GHDC: variants seen among roughly 807,000 people sequenced by gnomAD.
GHDC encodes GH3 domain-containing protein.
In GHDC, 39 loss-of-function variants were observed where a neutral mutation model predicts 51.5. That is an observed-to-expected ratio of 0.76 (90% CI 0.59 to 0.99). GHDC has a LOEUF of 0.99. Among genes scored for constraint, GHDC ranks in the 50% least tolerant of loss-of-function variants. The pLI, the probability that GHDC is intolerant of heterozygous loss-of-function variation, is 0.00. For missense variants in GHDC, 610 were observed against 672.8 expected (o/e 0.91, Z 1.03); for synonymous variants, 282 against 305.2 (o/e 0.92, Z 0.79).
At position 42,190,720 on chromosome 17, in the gene GHDC, C is replaced by T. The variant is rs1465765316; in HGVS notation, c.1192G>A (p.Gly398Ser). The change falls in exon 8 of 10, where the codon GGT becomes AGT. Residue 398 changes from glycine (G) to serine (S), a missense_variant. Around this residue, in one of 2 missense-constraint regions of GHDC, gnomAD observed 412 missense variants for 410.4 expected, o/e 1.00. Transcript: ENST00000587427. ...QTLSVRGEDI[G>S]EDLFSEALGR... is the part of the protein sequence containing the mutation. ...AGGGCCTCAGAGAACAGGTCTTCAC[C>T]AATATCTTCCCCTCGCACACTCAGG... is the stretch of plus-strand genomic sequence containing the variant. The T allele has an allele frequency of 6.2e-7, 1 of 1,614,130 alleles. No individual in the cohort carries two copies. Among genetic ancestry groups the T allele is most frequent in the South Asian group, 1.1e-5 (1 of 91,084 alleles).
chr17:42,192,923 C>G lies in GHDC; in HGVS notation c.370G>C (p.Gly124Arg). 6.2e-7 allele frequency: 1 copy of G among 1,614,092 alleles called. No individual in the cohort carries two copies. Among genetic ancestry groups the G allele is most frequent in the Non-Finnish European group, 8.5e-7 (1 of 1,180,010 alleles). Reference protein sequence around the residue: ...PLPPTSNQDLGEASLQATLLG... With the variant: ...PLPPTSNQDLREASLQATLLG... The stretch of plus-strand genomic sequence containing the variant: ...TAGATTACCTGCAGAGAGGCCTCCC[C>G]AAGGTCCTGGTTTGAGGTCGGGGGC... The change falls in exon 4 of 10, where the codon GGG becomes CGG. Residue 124 changes from glycine to arginine, a missense_variant. By Grantham distance (125) the Gly-to-Arg change is moderately radical. Around this residue, in one of 2 missense-constraint regions of GHDC, gnomAD observed 198 missense variants for 262.3 expected, o/e 0.75. Coordinates refer to ENST00000587427, the MANE Select transcript of GHDC (RefSeq NM_032484.5).
chr17:42,193,490 C>T lies in GHDC; in HGVS notation c.92G>A (p.Trp31Ter). The change falls in exon 3 of 10, where the codon TGG (tryptophan) becomes TAG (stop). Residue 31 changes from tryptophan (W) to a stop codon, truncating the protein, a stop_gained. Coordinates refer to ENST00000587427, the MANE Select transcript of GHDC (RefSeq NM_032484.5). LOFTEE classifies it high-confidence loss of function. ...CACTCGGTGCTGGAGGCCAGCAAGC[C>T]AGGACAGCCTGGCATCCTGGGACCG... ...QQRSQDARLS[W>*]LAGLQHRVAW... 3 of 1,555,172 alleles carry T rather than the reference C, an allele frequency of 1.9e-6. No individual in the cohort carries two copies. The highest frequency in any genetic ancestry group is 2.6e-6 in the Non-Finnish European group (3 of 1,149,696).
chr17:42,191,030 G>A lies in GHDC; in HGVS notation c.1070C>T (p.Ala357Val). ...KEYELVLTDRASLTRCRLGDV... is the reference protein window; with the variant it reads ...KEYELVLTDRVSLTRCRLGDV... ...TGCAGCTGATCACCTGGTGAGGCTGGCGCGGTCCGTCAGCACCAGCTCATA... is the reference window on the plus strand; with the variant it reads ...TGCAGCTGATCACCTGGTGAGGCTGACGCGGTCCGTCAGCACCAGCTCATA... Residue 357 changes from alanine (A) to valine (V), a missense_variant, in exon 6 of 10, where the codon GCC (alanine) becomes GTC (valine). Coordinates refer to ENST00000587427, the MANE Select transcript of GHDC (RefSeq NM_032484.5). 2 of 1,579,520 alleles carry A rather than the reference G, an allele frequency of 1.3e-6. No homozygotes were observed. Among genetic ancestry groups the A allele is most frequent in the Non-Finnish European group, 8.6e-7 (1 of 1,163,260 alleles).
Position 42,193,310 on chromosome 17 carries a change from AAC to A in GHDC, c.265+5_265+6del. The stretch of plus-strand genomic sequence containing the variant: ...TGGGTCACCTCCCCAGACCCTGGGA[AAC>A]ACACCTGTGCTCCTTCTGAGGGAAC... On this transcript the variant is annotated splice_donor_5th_base_variant and intron_variant, in intron 3 of 9. Transcript: ENST00000587427. The A allele has an allele frequency of 6.3e-7, 1 of 1,589,720 alleles. No individual in the cohort carries two copies. The highest frequency in any genetic ancestry group is 8.6e-7 in the Non-Finnish European group (1 of 1,167,452).
Position 42,193,763 on chromosome 17 carries a change from T to C in GHDC, c.-14+4A>G, listed in dbSNP as rs564802313. The C allele has an allele frequency of 7.9e-4, 647 of 816,188 alleles. No homozygotes were observed. Among genetic ancestry groups the C allele is most frequent in the Non-Finnish European group, 8.9e-4 (477 of 535,562 alleles). 50.6% of individuals were successfully genotyped at this position (816,188 alleles called of 1,614,324 possible). ...GACTATCAAAGCTTTGGAGTCCCAC[T>C]GACCTGAGTGCAGATCCTGCCTCTG... On this transcript the variant is annotated splice_donor_region_variant and intron_variant, in intron 2 of 9. Coordinates refer to ENST00000587427, the MANE Select transcript of GHDC (RefSeq NM_032484.5).
Position 42,191,127 on chromosome 17 carries a change from G to C in GHDC, c.973C>G (p.Pro325Ala), listed in dbSNP as rs2079965657. The change falls in exon 6 of 10, where the codon CCA becomes GCA. Residue 325 changes from proline (P) to alanine (A), a missense_variant. Transcript: ENST00000587427. Reference sequence around the variant, plus strand: ...TCCTCCTGGGTGCCTTCCTTGACTGGGAGCAGCTCGATAAAGGGGGCCCCA... The same window carrying C: ...TCCTCCTGGGTGCCTTCCTTGACTGCGAGCAGCTCGATAAAGGGGGCCCCA... ...PPGAPFIELL[P>A]VKEGTQEEAA... is the part of the protein sequence containing the mutation. 1 of 1,558,356 alleles carries C rather than the reference G, an allele frequency of 6.4e-7. No homozygotes were observed. Among genetic ancestry groups the C allele is most frequent in the East Asian group, 2.3e-5 (1 of 43,606 alleles).
Position 42,193,038 on chromosome 17 carries a change from A to G in GHDC, c.266-11T>C, listed in dbSNP as rs1181207270. Reference sequence around the variant, plus strand: ...GGAAGGTGCTTATGTCTATAGCCCCAATGACAACAGAAACGCCTCAGGAAG... The same window carrying G: ...GGAAGGTGCTTATGTCTATAGCCCCGATGACAACAGAAACGCCTCAGGAAG... On this transcript the variant is annotated splice_polypyrimidine_tract_variant and intron_variant, in intron 3 of 9. Coordinates refer to ENST00000587427, the MANE Select transcript of GHDC (RefSeq NM_032484.5). The G allele has an allele frequency of 1.2e-6, 2 of 1,613,970 alleles. No homozygotes were observed. Among genetic ancestry groups the G allele is most frequent in the Admixed American group, 3.3e-5 (2 of 59,948 alleles).
chr17:42,189,744 T>G lies in GHDC; in HGVS notation c.1552A>C (p.Arg518=), dbSNP rs1246542260. Residue 518 remains arginine, a synonymous_variant, in exon 10 of 10, where the codon AGG becomes CGG. Transcript: ENST00000587427. ...PPAMPRVLRH[R]HLAQCLQERV... ...TCCTGCAGACACTGGGCCAGGTGCC[T>G]GTGCCGAAGGACCCGGGGCATCGCA... 1 of 1,514,106 alleles carries G rather than the reference T, an allele frequency of 6.6e-7. No homozygotes were observed. Among genetic ancestry groups the G allele is most frequent in the Non-Finnish European group, 8.8e-7 (1 of 1,131,448 alleles). The allele number at this position is 1,514,106 out of a possible 1,614,324, so 93.8% of individuals were successfully genotyped here. A position where few individuals can be genotyped will look rare whatever the true frequency, so the allele number is the denominator to read the frequency against.
intron 3 of GHDC, 23 bp downstream of exon 3, chr17:42,193,293 CT>C (rs1567649321): frequency 3.2e-6 from 5 of 1,558,936 alleles, no homozygotes; most frequent in African/African-American, 1.4e-5. Flanking sequence ...TTTGGGTCAC[CT>C]CCCCAGACCC....
In GHDC at chr17:42,193,493, G is replaced by A. The variant is rs771564508; in HGVS notation, c.89C>T (p.Ser30Phe). 10 of 1,554,464 alleles carry A rather than the reference G, an allele frequency of 6.4e-6. No individual in the cohort carries two copies. Among genetic ancestry groups the A allele is most frequent in the Non-Finnish European group, 8.7e-6 (10 of 1,149,478 alleles). The change falls in exon 3 of 10, where the codon TCC becomes TTC. Residue 30 changes from serine (S) to phenylalanine (F), a missense_variant. Ser to Phe is a radical substitution (Grantham distance 155, BLOSUM62 -2). Transcript: ENST00000587427. Reference sequence around the variant, plus strand: ...TCGGTGCTGGAGGCCAGCAAGCCAGGACAGCCTGGCATCCTGGGACCGCTG... The same window carrying A: ...TCGGTGCTGGAGGCCAGCAAGCCAGAACAGCCTGGCATCCTGGGACCGCTG... ...RQQRSQDARL[S>F]WLAGLQHRVA... is the part of the protein sequence containing the mutation.
intron 8 of GHDC, 88 bp downstream of exon 8, chr17:42,190,536 A>C: frequency 1.3e-6 from 2 of 1,486,802 alleles, no homozygotes; most frequent in South Asian, 1.3e-5. Flanking sequence ...AAGGAGGCTT[A>C]TCTCTTTCCT....
chr17:42,194,355 C>T (rs1202346920), intron 1 of GHDC, 38 bp downstream of exon 1: 2 of 152,582 alleles, frequency 1.3e-5, no homozygotes, highest in South Asian at 2.1e-4. Context: ...CCTTGTCCCT[C>T]CTGAGCCCCA....
rs1435987371 is a variant in GHDC at position 42,192,752 on chromosome 17, G to A, written c.388-10C>T. On this transcript the variant is annotated splice_polypyrimidine_tract_variant and intron_variant, in intron 4 of 9. Transcript: ENST00000587427. ...GACCCAGCAAGGTGGCCTGGAGGAG[G>A]AAAGAGAGAATGTTGGTCTGGTGTC... 2.6e-6 allele frequency: 4 copies of A among 1,532,194 alleles called. No individual in the cohort carries two copies. Among genetic ancestry groups the A allele is most frequent in the Non-Finnish European group, 3.5e-6 (4 of 1,144,384 alleles). 94.9% of individuals were successfully genotyped at this position (1,532,194 alleles called of 1,614,324 possible). A position where few individuals can be genotyped will look rare whatever the true frequency, so the allele number is the denominator to read the frequency against.
intron 1 of GHDC, 115 bp from the exon 2 acceptor site, chr17:42,193,965 T>A (rs568675489): frequency 4.6e-6 from 1 of 217,780 alleles, no homozygotes; most frequent in Non-Finnish European, 9.1e-6. Context: ...GGAGAATCAC[T>A]TGAGCCCAGG....
Position 42,192,689 on chromosome 17 carries a change from A to T in GHDC, c.441T>A (p.Ala147=). 6.3e-7 allele frequency: 1 copy of T among 1,583,280 alleles called. No homozygotes were observed. Among genetic ancestry groups the T allele is most frequent in the East Asian group, 2.2e-5 (1 of 44,512 alleles). The change falls in exon 5 of 10, where the codon GCT becomes GCA. Residue 147 remains alanine, a synonymous_variant. Coordinates refer to ENST00000587427, the MANE Select transcript of GHDC (RefSeq NM_032484.5). ...ALNKAYPEVL[A]QGRTARVTLT... is the part of the protein sequence containing the mutation. ...GCGTCACACGGGCAGTGCGTCCCTGAGCCAGCACTTCTGGGTAGGCCTTGT... is the reference window on the plus strand; with the variant it reads ...GCGTCACACGGGCAGTGCGTCCCTGTGCCAGCACTTCTGGGTAGGCCTTGT...
chr17:42,191,136 C>G lies in GHDC; in HGVS notation c.964G>C (p.Glu322Gln). 1 of 1,554,686 alleles carries G rather than the reference C, an allele frequency of 6.4e-7. No individual in the cohort carries two copies. The highest frequency in any genetic ancestry group is 8.7e-7 in the Non-Finnish European group (1 of 1,155,128). Residue 322 changes from glutamate (E) to glutamine (Q), a missense_variant, in exon 6 of 10, where the codon GAG becomes CAG. This residue lies in a region of GHDC where 412 missense variants were observed against 410.4 expected (regional missense o/e 1.00). Transcript: ENST00000587427. ...YLLPPGAPFI[E>Q]LLPVKEGTQE... ...GTGCCTTCCTTGACTGGGAGCAGCT[C>G]GATAAAGGGGGCCCCAGGGGGCAGA...
In GHDC at chr17:42,189,931, G is replaced by C. The variant is rs2079954970; in HGVS notation, c.1375-10C>G. On this transcript the variant is annotated splice_polypyrimidine_tract_variant and intron_variant, in intron 9 of 9. Transcript: ENST00000587427. Reference sequence around the variant, plus strand: ...GAAGGCAGTGGTCCAGCTGGGAACAGAACAGCCTGAGTGAGCTGGTGTGTG... The same window carrying C: ...GAAGGCAGTGGTCCAGCTGGGAACACAACAGCCTGAGTGAGCTGGTGTGTG... 1 of 1,514,996 alleles carries C rather than the reference G, an allele frequency of 6.6e-7. No homozygotes were observed. The highest frequency in any genetic ancestry group is 8.9e-7 in the Non-Finnish European group (1 of 1,128,316). 93.8% of individuals were successfully genotyped at this position (1,514,996 alleles called of 1,614,324 possible).
rs2079986155 is a variant in GHDC at position 42,193,472 on chromosome 17, T to C, written c.110A>G (p.His37Arg). ...GACCAGGGCCCCCCATGCCACTCGG[T>C]GCTGGAGGCCAGCAAGCCAGGACAG... ...ARLSWLAGLQ[H>R]RVAWGALVWA... is the part of the protein sequence containing the mutation. Residue 37 changes from histidine (H) to arginine (R), a missense_variant, in exon 3 of 10, where the codon CAC becomes CGC. Physicochemically the swap from His to Arg is conservative, Grantham distance 29. This residue lies in a region of GHDC where 198 missense variants were observed against 262.3 expected (regional missense o/e 0.75). Transcript: ENST00000587427. 3 of 1,556,494 alleles carry C rather than the reference T, an allele frequency of 1.9e-6. No individual in the cohort carries two copies. The highest frequency in any genetic ancestry group is 1.4e-5 in the African/African-American group (1 of 73,620).
intron 8 of GHDC, 144 bp downstream of exon 8, chr17:42,190,480 G>A (rs925026256): frequency 1.1e-5 from 16 of 1,399,064 alleles, no homozygotes; most frequent in Non-Finnish European, 1.2e-5. Context: ...ACTGCAGCAG[G>A]ATGGATGAGA....
Sources: allele counts gnomAD v4.1 joint callset, GRCh38; gene constraint gnomAD v4.1.1; regional missense constraint gnomAD v4.1.1; transcripts MANE v1.5; gene names NCBI Gene and HGNC (gene_info 2026-07-23, HGNC 2026-07-21).